RBPJ: variants seen among roughly 807,000 people sequenced by gnomAD.
RBPJ encodes recombination signal binding protein for immunoglobulin kappa J region.
RBPJ carries 9 observed loss-of-function variants against 67.8 expected under a neutral mutation model. That is an observed-to-expected ratio of 0.13 (90% CI 0.08 to 0.23). The LOEUF (loss-of-function observed/expected upper bound fraction) is 0.23. RBPJ is among the 10% of genes least tolerant of loss of function. The pLI is 1.00. For synonymous variants in RBPJ, 198 were observed against 203.3 expected (o/e 0.97, Z 0.22); for missense variants, 305 against 595.6 (o/e 0.51, Z 5.08).
chr4:26,380,984 A>C (rs957624947), intron 1 of RBPJ, among the ~76,000 whole-genome samples: 3 of 148,616 alleles, frequency 2.0e-5, no homozygotes, highest in African/African-American at 5.0e-5. Flanking sequence ...TACTGCTGTT[A>C]CTAGACAGCA....
intron 2 of RBPJ, among the ~76,000 whole-genome samples, chr4:26,404,146 A>G (rs1733140266): frequency 6.7e-6 from 1 of 149,110 alleles, no homozygotes; most frequent in South Asian, 2.1e-4. Flanking sequence ...GCTTTTTTTC[A>G]TATGCTTGTT....
chr4:26,285,537 A>G (rs1402421136), intron 1 of RBPJ, among the ~76,000 whole-genome samples: 3 of 152,122 alleles, frequency 2.0e-5, no homozygotes, highest in Non-Finnish European at 4.4e-5. Context: ...TAATAAATGA[A>G]TATTACAGTT....
intron 1 of RBPJ, among the ~76,000 whole-genome samples, chr4:26,346,763 G>A (rs1004813434): frequency 3.3e-5 from 5 of 152,216 alleles, no homozygotes; most frequent in East Asian, 3.9e-4. Flanking sequence ...AGGCCGAGGC[G>A]GGTGGATCAC....
chr4:26,123,141 C>T, the RBPJ span, among the ~76,000 whole-genome samples: 4 of 152,036 alleles, frequency 2.6e-5, no homozygotes, highest in African/African-American at 7.3e-5. Context: ...AGTGTACAAA[C>T]CTAGATGGTG....
upstream of RBPJ, chr4:26,319,842 C>A: frequency 1.3e-6 from 2 of 1,592,038 alleles, no homozygotes; most frequent in South Asian, 1.1e-5. Flanking sequence ...ATCTGGGAAT[C>A]TCTAGGAAAG....
chr4:26,392,159 A>G (rs1388458790), intron 2 of RBPJ, among the ~76,000 whole-genome samples: 1 of 152,214 alleles, frequency 6.6e-6, no homozygotes, highest in Non-Finnish European at 1.5e-5. Flanking sequence ...TACCTGTTAA[A>G]ATGTCTGAAA....
At chr4:26,400,868 C>T (rs931750250) in intron 2 of RBPJ, among the ~76,000 whole-genome samples, 1 of 152,170 alleles carries the variant, frequency 6.6e-6, no homozygotes, top group Non-Finnish European at 1.5e-5. Context: ...AGTAGAATGC[C>T]CAGTGCCTAG....
intron 1 of RBPJ, among the ~76,000 whole-genome samples, chr4:26,184,771 T>C (rs1031845896): frequency 6.6e-6 from 1 of 152,192 alleles, no homozygotes; most frequent in Non-Finnish European, 1.5e-5. Context: ...AGTCCCATAG[T>C]TGCCCAGAAG....
chr4:26,160,589 A>T (rs912966591), upstream of RBPJ, among the ~76,000 whole-genome samples: 1 of 152,240 alleles, frequency 6.6e-6, no homozygotes, highest in South Asian at 2.1e-4. Flanking sequence ...ACATAAGTTT[A>T]GTTCTTGTAC....
chr4:26,205,152 G>C (rs1718126316), intron 1 of RBPJ, among the ~76,000 whole-genome samples: 1 of 152,212 alleles, frequency 6.6e-6, no homozygotes, highest in Non-Finnish European at 1.5e-5. Flanking sequence ...CAGGTTCTCA[G>C]AACAGGCATG....
intron 1 of RBPJ, among the ~76,000 whole-genome samples, chr4:26,210,137 C>A (rs1304837481): frequency 1.3e-5 from 2 of 152,100 alleles, no homozygotes; most frequent in South Asian, 2.1e-4. Context: ...CCTAATGTGT[C>A]CTTAATGGGA....
the RBPJ span, among the ~76,000 whole-genome samples, chr4:26,106,315 A>T: frequency 6.6e-6 from 1 of 152,220 alleles, no homozygotes; most frequent in African/African-American, 2.4e-5. Context: ...AAGCTTTGAG[A>T]TGGTTAGTGA....
Position 26,431,148 on chromosome 4 carries a change from C to A in RBPJ, c.*141C>A. 1 of 436,522 alleles carries A rather than the reference C, an allele frequency of 2.3e-6. No individual in the cohort carries two copies. Among genetic ancestry groups the A allele is most frequent in the Non-Finnish European group, 4.1e-6 (1 of 246,284 alleles). 27.0% of individuals were successfully genotyped at this position (436,522 alleles called of 1,614,324 possible). On this transcript the variant is annotated 3_prime_UTR_variant, in exon 11 of 11. Transcript: ENST00000355476. ...ATACTATTCAAAAACCCCGTTGTCTCCCTGCAAGTGCTGATTTGAAATGCA... is the reference window on the plus strand; with the variant it reads ...ATACTATTCAAAAACCCCGTTGTCTACCTGCAAGTGCTGATTTGAAATGCA...
intron 4 of RBPJ, 66 bp downstream of exon 4, chr4:26,415,706 AT>A: frequency 7.0e-7 from 1 of 1,434,472 alleles, no homozygotes; most frequent in Non-Finnish European, 9.4e-7. Context: ...TTTCATATTC[AT>A]TTTTGTGGTG....
chr4:26,258,832 T>C (rs1720434405), intron 1 of RBPJ, among the ~76,000 whole-genome samples: 1 of 151,604 alleles, frequency 6.6e-6, no homozygotes, highest in Admixed American at 6.6e-5. Context: ...TGAGACAGAG[T>C]CTTGCTCTGT....
At chr4:26,407,481 G>T (rs534711304) in intron 3 of RBPJ, among the ~76,000 whole-genome samples, 2 of 152,084 alleles carry the variant, frequency 1.3e-5, no homozygotes, top group Middle Eastern at 3.2e-3. Context: ...ATAAATTTCC[G>T]CATTTTTTAT....
chr4:26,319,550 A>AC (rs1000291613), upstream of RBPJ: 9 of 393,684 alleles, frequency 2.3e-5, no homozygotes, highest in Non-Finnish European at 4.2e-5. Flanking sequence ...GTCTAGGCAA[A>AC]CACCTGTCCT....
intron 1 of RBPJ, among the ~76,000 whole-genome samples, chr4:26,288,085 C>T (rs1483353162): frequency 2.0e-5 from 3 of 152,148 alleles, no homozygotes; most frequent in African/African-American, 4.8e-5. Context: ...TAGTGCTCTC[C>T]AAAAGGATGG....
chr4:26,384,586 TC>T (rs1730619789), intron 1 of RBPJ: 1 of 152,328 alleles, frequency 6.6e-6, no homozygotes, highest in Non-Finnish European at 1.5e-5. Context: ...AGTTTACACT[TC>T]CTATTTCAGA....
Sources: allele counts gnomAD v4.1 joint callset (sites outside exome capture counted in the v4.1 genomes callset), GRCh38; gene constraint gnomAD v4.1.1; transcripts MANE v1.5; gene names NCBI Gene and HGNC (gene_info 2026-07-23, HGNC 2026-07-21).